ANKRD30A: variants seen among roughly 807,000 people sequenced by gnomAD.
ANKRD30A encodes ankyrin repeat domain 30A.
ANKRD30A carries 170 observed loss-of-function variants against 166.3 expected under a neutral mutation model. The observed-to-expected ratio is 1.02, with a 90% confidence interval of 0.90 to 1.16. ANKRD30A has a LOEUF of 1.16. Ranked by LOEUF, ANKRD30A falls within the 50% of genes most tolerant of loss-of-function variation. The pLI, the probability that ANKRD30A is intolerant of heterozygous loss-of-function variation, is 0.00. For synonymous variants in ANKRD30A, 564 were observed against 508.9 expected, an observed-to-expected ratio of 1.11 and a Z score of -1.46; for missense variants, 1,630 against 1,518.0, an observed-to-expected ratio of 1.07 and a Z score of -1.23.
At chr10:37,171,628 T>G (rs1839570278) in intron 21 of ANKRD30A, among the ~76,000 whole-genome samples, 1 of 151,722 alleles carries the variant, frequency 6.6e-6, no homozygotes, top group Admixed American at 6.6e-5. Flanking sequence ...GGTTTTAAAG[T>G]GCCAAATAAC....
chr10:37,162,921 A>G, intron 17 of ANKRD30A, 73 bp downstream of exon 17: 1 of 1,541,134 alleles, frequency 6.5e-7, no homozygotes, highest in Non-Finnish European at 8.9e-7. Context: ...TTCTGTACCC[A>G]ATGGTTTATT....
At chr10:37,155,087 A>G (rs1270687219) in intron 13 of ANKRD30A, among the ~76,000 whole-genome samples, 8 of 152,176 alleles carry the variant, frequency 5.3e-5, no homozygotes, top group Non-Finnish European at 8.8e-5. Flanking sequence ...GACTAATTTT[A>G]AAAACCATAA....
intron 1 of ANKRD30A, among the ~76,000 whole-genome samples, chr10:37,127,662 A>T (rs1265604829): frequency 6.6e-6 from 1 of 152,128 alleles, no homozygotes; most frequent in East Asian, 1.9e-4. Context: ...CTTTTTTAAG[A>T]TCTGCAACTG....
intron 15 of ANKRD30A, among the ~76,000 whole-genome samples, chr10:37,159,998 C>G (rs570550426): frequency 1.3e-5 from 2 of 152,126 alleles, no homozygotes; most frequent in East Asian, 3.9e-4. Flanking sequence ...CGTGCCCGGC[C>G]GATGTCTGAA....
intron 8 of ANKRD30A, among the ~76,000 whole-genome samples, chr10:37,146,638 C>G (rs2132545003): frequency 6.6e-6 from 1 of 152,246 alleles, no homozygotes; most frequent in South Asian, 2.1e-4. Context: ...TGGCCCTGAT[C>G]AGCTAGTCAG....
chr10:37,232,697 T>TATATAGAGAGAGAGAGAGAGAGAG (rs1273812991), downstream of ANKRD30A: 2 of 78,400 alleles, frequency 2.6e-5, no homozygotes, highest in African/African-American at 9.8e-5. Context: ...TATATATAAA[T>TATATAGAGAGAGAGAGAGAGAGAG]AGAGAGAGAG....
At chr10:37,131,342 A>G (rs1303742309) in intron 3 of ANKRD30A, among the ~76,000 whole-genome samples, 1 of 152,216 alleles carries the variant, frequency 6.6e-6, no homozygotes, top group Non-Finnish European at 1.5e-5. Context: ...GGATTACTGC[A>G]TTTTAAGAAG....
downstream of ANKRD30A, among the ~76,000 whole-genome samples, chr10:37,237,058 C>G (rs1843699635): frequency 6.6e-6 from 1 of 152,144 alleles, no homozygotes; most frequent in Non-Finnish European, 1.5e-5. Flanking sequence ...ATTTTTTAAC[C>G]TGTTGCACCT....
chr10:37,136,181 AT>A (rs1374519588), intron 5 of ANKRD30A, among the ~76,000 whole-genome samples: 1 of 152,210 alleles, frequency 6.6e-6, no homozygotes, highest in Non-Finnish European at 1.5e-5. Context: ...TTCTTTGAGC[AT>A]TTTTAAAATG....
At chr10:37,196,682 C>T (rs1319512310) in intron 27 of ANKRD30A, among the ~76,000 whole-genome samples, 1 of 151,694 alleles carries the variant, frequency 6.6e-6, no homozygotes. Context: ...ATGAGTTTTA[C>T]ACATCTTCTT....
chr10:37,231,356 T>G, intron 34 of ANKRD30A, 105 bp from the exon 35 acceptor site: 1 of 862,464 alleles, frequency 1.2e-6, no homozygotes, highest in Non-Finnish European at 1.7e-6. Flanking sequence ...TAATGGGAAA[T>G]GTTATTTATT....
intron 4 of ANKRD30A, 39 bp downstream of exon 4, chr10:37,132,385 G>A: frequency 8.3e-7 from 1 of 1,207,688 alleles, no homozygotes; most frequent in Non-Finnish European, 1.2e-6. Flanking sequence ...CACTTGAGTA[G>A]TGTTCTAGAG....
At chr10:37,264,169 C>T in the ANKRD30A span, among the ~76,000 whole-genome samples, 1 of 152,080 alleles carries the variant, frequency 6.6e-6, no homozygotes. Context: ...TCCATTCAGC[C>T]ACTCTCTCAC....
At chr10:37,264,146 AT>A in the ANKRD30A span, among the ~76,000 whole-genome samples, 1 of 152,188 alleles carries the variant, frequency 6.6e-6, no homozygotes, top group Admixed American at 6.5e-5. Flanking sequence ...ATAAAAACAT[AT>A]TATTGATTTT....
intron 21 of ANKRD30A, among the ~76,000 whole-genome samples, chr10:37,171,412 C>T (rs1307015043): frequency 2.7e-5 from 4 of 148,960 alleles, no homozygotes; most frequent in East Asian, 1.9e-4. Flanking sequence ...GTCCTACTTT[C>T]CAATACGCAT....
chr10:37,225,289 G>A (rs532535818), intron 34 of ANKRD30A, among the ~76,000 whole-genome samples: 2 of 151,710 alleles, frequency 1.3e-5, no homozygotes, highest in East Asian at 3.9e-4. Context: ...ATGAGAGAGG[G>A]TCATAATTTA....
At chr10:37,153,791 A>G (rs1443771519) in intron 13 of ANKRD30A, 129 bp downstream of exon 13, 3 of 1,313,964 alleles carry the variant, frequency 2.3e-6, no homozygotes, top group Non-Finnish European at 2.1e-6. Context: ...GAGAAGTGCA[A>G]TGGTCGTAAG....
intron 34 of ANKRD30A, among the ~76,000 whole-genome samples, chr10:37,228,340 G>T (rs969596938): frequency 6.6e-6 from 1 of 152,002 alleles, no homozygotes; most frequent in African/African-American, 2.4e-5. Flanking sequence ...CAGTGAAGGA[G>T]AAATTGTATT....
intron 11 of ANKRD30A, among the ~76,000 whole-genome samples, chr10:37,150,169 G>A (rs1257004555): frequency 1.3e-5 from 2 of 151,938 alleles, no homozygotes; most frequent in African/African-American, 4.8e-5. Flanking sequence ...TTAGTTCTTC[G>A]AAGCTTGATT....
Sources: allele counts gnomAD v4.1 joint callset (sites outside exome capture counted in the v4.1 genomes callset), GRCh38; gene constraint gnomAD v4.1.1; transcripts MANE v1.5; gene names NCBI Gene and HGNC (gene_info 2026-07-23, HGNC 2026-07-21).